CLSTN2: variants seen among roughly 807,000 people sequenced by gnomAD.
CLSTN2 encodes calsyntenin 2, also known as calsyntenin-2.
A neutral mutation model predicts 101.2 loss-of-function variants in CLSTN2; 48 were observed. That is an observed-to-expected ratio of 0.47 (90% confidence interval 0.38 to 0.60). The LOEUF (loss-of-function observed/expected upper bound fraction) is 0.60, where lower values mean the gene tolerates loss of function less well. CLSTN2 is among the 20% of genes least tolerant of loss of function. The pLI, the probability that CLSTN2 is intolerant of heterozygous loss-of-function variation, is 0.00. For missense variants in CLSTN2, 1,160 were observed against 1,238.2 expected, an observed-to-expected ratio of 0.94 and a Z score of 0.95; for synonymous variants, 481 against 463.6, an observed-to-expected ratio of 1.04 and a Z score of -0.48.
intron 2 of CLSTN2, among the ~76,000 whole-genome samples, chr3:140,283,582 C>T (rs1340739578): frequency 6.6e-6 from 1 of 152,128 alleles, no homozygotes; most frequent in African/African-American, 2.4e-5. Context: ...CACACTGGTA[C>T]CCTGGACTCC....
intron 7 of CLSTN2, among the ~76,000 whole-genome samples, chr3:140,465,036 A>C (rs532978095): frequency 1.3e-5 from 2 of 152,250 alleles, no homozygotes; most frequent in Non-Finnish European, 2.9e-5. Flanking sequence ...GGGCAGATGC[A>C]TTCCACACAT....
intron 1 of CLSTN2, among the ~76,000 whole-genome samples, chr3:140,002,400 T>C (rs1451477299): frequency 6.6e-6 from 1 of 152,192 alleles, no homozygotes; most frequent in African/African-American, 2.4e-5. Flanking sequence ...CCCATTTTAA[T>C]TGGATTATTA....
intron 2 of CLSTN2, among the ~76,000 whole-genome samples, chr3:140,379,091 T>C (rs2087951299): frequency 6.6e-6 from 1 of 152,228 alleles, no homozygotes; most frequent in South Asian, 2.1e-4. Flanking sequence ...TCCAATCTTG[T>C]TGTCTGGCAA....
At chr3:139,970,489 A>G (rs999800381) in intron 1 of CLSTN2, among the ~76,000 whole-genome samples, 1 of 152,220 alleles carries the variant, frequency 6.6e-6, no homozygotes, top group Admixed American at 6.5e-5. Context: ...TGATCTGTCT[A>G]TGACCTCATG....
chr3:140,306,484 A>G (rs1480320070), intron 2 of CLSTN2, among the ~76,000 whole-genome samples: 3 of 152,214 alleles, frequency 2.0e-5, no homozygotes, highest in African/African-American at 4.8e-5. Context: ...TAAAACTCTG[A>G]GGCCCAGGTT....
intron 2 of CLSTN2, among the ~76,000 whole-genome samples, chr3:140,213,613 A>G (rs2010885226): frequency 6.6e-6 from 1 of 152,230 alleles, no homozygotes; most frequent in African/African-American, 2.4e-5. Context: ...AGGAGTAGCA[A>G]TTGGTGGACA....
chr3:140,455,565 C>T (rs1027968440), intron 6 of CLSTN2, among the ~76,000 whole-genome samples: 1 of 152,148 alleles, frequency 6.6e-6, no homozygotes, highest in African/African-American at 2.4e-5. Context: ...TGGTTTCAGT[C>T]CCCCAGCACT....
rs371741704 is a variant in CLSTN2 at position 140,016,788 on chromosome 3, A to G, written c.109+81305A>G. ...CACTCCAGCCTGGTGACAGAGTGAG[A>G]CTCTGAAAAAAAAAAAAAAAAAAAA... On this transcript the variant is annotated intron_variant, in intron 1 of 16. Coordinates refer to ENST00000458420, the MANE Select transcript of CLSTN2 (RefSeq NM_022131.3). Among the ~76,000 whole-genome samples, 260 of 102,284 alleles carry G rather than the reference A, an allele frequency of 2.5e-3. 1 individual carries two copies. The highest frequency in any genetic ancestry group is 8.7e-3 in the African/African-American group (243 of 27,778). 67.1% of individuals were successfully genotyped at this position (102,284 alleles called of 152,430 possible). A position where few individuals can be genotyped will look rare whatever the true frequency, so the allele number is the denominator to read the frequency against.
intron 8 of CLSTN2, among the ~76,000 whole-genome samples, chr3:140,510,877 G>T (rs1934800293): frequency 6.6e-6 from 1 of 152,136 alleles, no homozygotes; most frequent in African/African-American, 2.4e-5. Context: ...AAACTCAGGG[G>T]TACATGTGTA....
chr3:139,999,902 C>T (rs2006785120), intron 1 of CLSTN2, among the ~76,000 whole-genome samples: 1 of 151,312 alleles, frequency 6.6e-6, no homozygotes, highest in Admixed American at 6.6e-5. Flanking sequence ...CTGCAGAGAG[C>T]TATGATCACG....
chr3:140,054,721 T>G (rs1197912915), intron 1 of CLSTN2, among the ~76,000 whole-genome samples: 4 of 152,230 alleles, frequency 2.6e-5, no homozygotes, highest in Non-Finnish European at 5.9e-5. Context: ...TATGTGATCA[T>G]AGACAAATTC....
chr3:140,246,250 G>A (rs1013815064), intron 2 of CLSTN2, among the ~76,000 whole-genome samples: 1 of 152,086 alleles, frequency 6.6e-6, no homozygotes, highest in African/African-American at 2.4e-5. Flanking sequence ...TTTTCCCCAG[G>A]AGAGTCATGA....
intron 2 of CLSTN2, among the ~76,000 whole-genome samples, chr3:140,337,440 T>G (rs557717631): frequency 6.6e-5 from 10 of 152,194 alleles, no homozygotes; most frequent in Non-Finnish European, 1.3e-4. Context: ...TCTCCTCTTC[T>G]TTTAAGGACA....
intron 1 of CLSTN2, among the ~76,000 whole-genome samples, chr3:139,957,648 G>A (rs767029271): frequency 2.6e-5 from 4 of 152,262 alleles, no homozygotes; most frequent in Non-Finnish European, 5.9e-5. Flanking sequence ...GTGATTTAAT[G>A]AGATGGTCTT....
intron 9 of CLSTN2, among the ~76,000 whole-genome samples, chr3:140,535,123 T>A (rs1312574833): frequency 6.6e-6 from 1 of 152,176 alleles, no homozygotes; most frequent in Non-Finnish European, 1.5e-5. Context: ...CACACACACA[T>A]TCATGCATCT....
At chr3:140,093,397 C>T (rs557220715) in intron 1 of CLSTN2, among the ~76,000 whole-genome samples, 1 of 152,276 alleles carries the variant, frequency 6.6e-6, no homozygotes, top group Admixed American at 6.5e-5. Flanking sequence ...TCCTACCCCC[C>T]AGTTAGCTGT....
chr3:140,207,790 G>A (rs963959808), intron 2 of CLSTN2, among the ~76,000 whole-genome samples: 3 of 151,702 alleles, frequency 2.0e-5, no homozygotes, highest in Non-Finnish European at 2.9e-5. Context: ...AACTGGTTCT[G>A]AAAAAAAACT....
chr3:140,103,806 G>A (rs539844391), intron 1 of CLSTN2, among the ~76,000 whole-genome samples: 1 of 152,250 alleles, frequency 6.6e-6, no homozygotes, highest in East Asian at 1.9e-4. Flanking sequence ...GTCCCAGTTG[G>A]GCTCTCAAAG....
intron 1 of CLSTN2, among the ~76,000 whole-genome samples, chr3:139,980,835 G>A (rs148764186): frequency 2.5e-4 from 38 of 152,078 alleles, no homozygotes; most frequent in Non-Finnish European, 1.2e-4. Flanking sequence ...CAGGATATAA[G>A]AGACTTCAGA....
Sources: allele counts gnomAD v4.1 joint callset (sites outside exome capture counted in the v4.1 genomes callset), GRCh38; gene constraint gnomAD v4.1.1; transcripts MANE v1.5; gene names NCBI Gene and HGNC (gene_info 2026-07-23, HGNC 2026-07-21).